Variants in ZNF676 observed in about 807,000 individuals in gnomAD.
The protein encoded by ZNF676 is zinc finger protein 676.
A neutral mutation model predicts 6.0 loss-of-function variants in ZNF676; 4 were observed. That is an observed-to-expected ratio of 0.67 (90% CI 0.33 to 1.53). The LOEUF (loss-of-function observed/expected upper bound fraction) is 1.53. ZNF676 is among the 40% of genes most tolerant of loss of function. The pLI, the probability that ZNF676 is intolerant of heterozygous loss-of-function variation, is 0.06. For synonymous variants in ZNF676, 198 were observed against 223.1 expected, an observed-to-expected ratio of 0.89 and a Z score of 1.00; for missense variants, 644 against 679.7, an observed-to-expected ratio of 0.95 and a Z score of 0.58.
At chr19:22,202,039 CT>C (rs952438951) in intron 1 of ZNF676, among the ~76,000 whole-genome samples, 11 of 149,924 alleles carry the variant, frequency 7.3e-5, no homozygotes, top group African/African-American at 2.7e-4. Context: ...CAGATAAAAA[CT>C]TTTTTTTTTC....
rs374460584 is a variant in ZNF676, at chr19:22,202,174, C to G, written c.4-5448G>C. Among the ~76,000 whole-genome samples the G allele has an allele frequency of 1.3e-4, 20 of 152,208 alleles. No homozygotes were observed. In the East Asian group the frequency reaches 2.1e-3, roughly 16 times the overall value. Reference sequence around the variant, plus strand: ...TTATAGCATGAGGAGGGAGGGAGAACTGGATTCTCACGTCTACAGGTCTAC... The same window carrying G: ...TTATAGCATGAGGAGGGAGGGAGAAGTGGATTCTCACGTCTACAGGTCTAC... On this transcript the variant is annotated intron_variant, in intron 1 of 3. Coordinates refer to the ZNF676 transcript ENST00000650058.
At chr19:22,214,430 C>T (rs948710444) in intron 1 of ZNF676, among the ~76,000 whole-genome samples, 1 of 151,598 alleles carries the variant, frequency 6.6e-6, no homozygotes, top group Admixed American at 6.6e-5. Flanking sequence ...GCCTGACCAA[C>T]ACGGTGAAAC....
the ZNF676 span, among the ~76,000 whole-genome samples, chr19:22,256,246 A>T: frequency 0.012 from 1,815 of 152,340 alleles, 29 homozygotes; most frequent in African/African-American, 0.04. Context: ...GAGATGGGAC[A>T]TGTAACCTGT....
intron 1 of ZNF676, among the ~76,000 whole-genome samples, chr19:22,211,789 T>G (rs2024131449): frequency 6.6e-6 from 1 of 152,162 alleles, no homozygotes; most frequent in Admixed American, 6.5e-5. Flanking sequence ...TCTACCACAT[T>G]TTCTTGTGGA....
intron 1 of ZNF676, among the ~76,000 whole-genome samples, chr19:22,205,291 G>GAACTCAACCTGA (rs2024065780): frequency 6.6e-6 from 1 of 152,020 alleles, no homozygotes; most frequent in Non-Finnish European, 1.5e-5. Flanking sequence ...CTCAACACCT[G>GAACTCAACCTGA]ACCAAATAAA....
chr19:22,201,741 A>C, upstream of ZNF676, among the ~76,000 whole-genome samples: 1 of 146,298 alleles, frequency 6.8e-6, no homozygotes, highest in African/African-American at 2.7e-5. Context: ...CAAAAAAAAA[A>C]AAAAAAAAAA....
At chr19:22,235,055 AAGGCAGG>A in the ZNF676 span, among the ~76,000 whole-genome samples, 540 of 147,914 alleles carry the variant, frequency 3.7e-3, 11 homozygotes, top group African/African-American at 0.011. Context: ...GGAAGGCAGA[AAGGCAGG>A]AAGAAGGAAG....
At chr19:22,235,030 A>AGGC in the ZNF676 span, among the ~76,000 whole-genome samples, 1 of 143,834 alleles carries the variant, frequency 7.0e-6, no homozygotes, top group South Asian at 2.3e-4. Context: ...GAAAGAAAGA[A>AGGC]AGAAAAGAAA....
At chr19:22,231,969 G>A in the ZNF676 span, among the ~76,000 whole-genome samples, 1 of 151,930 alleles carries the variant, frequency 6.6e-6, no homozygotes. Flanking sequence ...ACTCTACAGA[G>A]ACAAAACAAG....
At chr19:22,192,261 T>G (rs1274361755) in intron 2 of ZNF676, among the ~76,000 whole-genome samples, 1 of 152,082 alleles carries the variant, frequency 6.6e-6, no homozygotes, top group Non-Finnish European at 1.5e-5. Flanking sequence ...ACAAATTTAA[T>G]TGAGGAGCTG....
In ZNF676 at chr19:22,180,467, C is replaced by T. The variant is rs376066832; in HGVS notation, c.1250G>A (p.Gly417Glu). The change falls in exon 3 of 3, where the codon GGA becomes GAA. Residue 417 changes from glycine to glutamate, a missense_variant. Gly to Glu is a moderately conservative substitution (Grantham distance 98, BLOSUM62 -2). Transcript: ENST00000397121. ...TTCTTCACACTTGTAGGGTTTCTCTCCAGTATGAATTCTCTTATGTTCCAT... is the reference window on the plus strand; with the variant it reads ...TTCTTCACACTTGTAGGGTTTCTCTTCAGTATGAATTCTCTTATGTTCCAT... ...KLMEHKRIHTGEKPYKCEECG... is the reference protein window; with the variant it reads ...KLMEHKRIHTEEKPYKCEECG... 6.2e-7 allele frequency: 1 copy of T among 1,609,574 alleles called. No individual in the cohort carries two copies. The highest frequency in any genetic ancestry group is 1.7e-5 in the Admixed American group (1 of 59,468).
the ZNF676 span, among the ~76,000 whole-genome samples, chr19:22,253,456 GATA>G: frequency 2.4e-5 from 2 of 83,532 alleles, no homozygotes; most frequent in African/African-American, 7.6e-5. Flanking sequence ...ATATATATAT[GATA>G]ATGTGTGTAT....
chr19:22,193,102 G>T lies in ZNF676; in HGVS notation c.44C>A (p.Ala15Asp), dbSNP rs750900675. The T allele has an allele frequency of 6.3e-7, 1 of 1,595,602 alleles. No individual in the cohort carries two copies. The highest frequency in any genetic ancestry group is 1.8e-5 in the Admixed American group (1 of 56,394). ...YRNLVFLGIA[A>D]FKPDLIIFLE... ...AAAAATGATCAGGTCTGGCTTAAAG[G>T]CAGCAATACCTGTTTTATTAAAAAT... The change falls in exon 2 of 3, where the codon GCC (alanine) becomes GAC (aspartate). Residue 15 changes from alanine to aspartate, a missense_variant. Physicochemically the swap from Ala to Asp is moderately radical, Grantham distance 126. Transcript: ENST00000397121.
At chr19:22,188,433 C>T (rs2144742973) in intron 2 of ZNF676, among the ~76,000 whole-genome samples, 1 of 152,234 alleles carries the variant, frequency 6.6e-6, no homozygotes, top group South Asian at 2.1e-4. Flanking sequence ...TGTAAGCATT[C>T]CCTTTGAAAA....
At chr19:22,187,056 A>T (rs2023849130) in intron 2 of ZNF676, among the ~76,000 whole-genome samples, 1 of 152,200 alleles carries the variant, frequency 6.6e-6, no homozygotes, top group Non-Finnish European at 1.5e-5. Flanking sequence ...CCCCAAATCA[A>T]CAGAATATAC....
chr19:22,244,036 CTCTTT>C, the ZNF676 span: 163 of 128,996 alleles, frequency 1.3e-3, 1 homozygote, highest in African/African-American at 4.8e-3. Flanking sequence ...TTTCTTTCTT[CTCTTT>C]TTTTTTTTTT....
chr19:22,193,229 T>A, intron 1 of ZNF676, 118 bp from the exon 2 acceptor site: 1 of 1,164,214 alleles, frequency 8.6e-7, no homozygotes, highest in Non-Finnish European at 1.1e-6. Flanking sequence ...CCCAAAATAC[T>A]AAATTATAAC....
chr19:22,226,195 A>C, the ZNF676 span, among the ~76,000 whole-genome samples: 55,762 of 151,832 alleles, frequency 0.37, 10,495 homozygotes, highest in African/African-American at 0.42. Flanking sequence ...TTGTGTGCTC[A>C]TGGCAGCTTT....
At chr19:22,225,160 T>C in the ZNF676 span, among the ~76,000 whole-genome samples, 1 of 152,228 alleles carries the variant, frequency 6.6e-6, no homozygotes. Context: ...TTCAGCTTTC[T>C]GTTTTTATGA....
Sources: allele counts gnomAD v4.1 joint callset (sites outside exome capture counted in the v4.1 genomes callset), GRCh38; gene constraint gnomAD v4.1.1; transcripts MANE v1.5; gene names NCBI Gene and HGNC (gene_info 2026-07-23, HGNC 2026-07-21).